Variants in G3BP2 observed in about 807,000 individuals in gnomAD.
G3BP2 encodes the protein G3BP stress granule assembly factor 2.
A neutral mutation model predicts 56.7 loss-of-function variants in G3BP2; 11 were observed. The ratio of observed to expected loss-of-function variants is 0.19; its 90% CI spans 0.12 to 0.32. The LOEUF is 0.32. Among genes scored for constraint, G3BP2 ranks in the 10% least tolerant of loss-of-function variants. The pLI is 1.00. For synonymous variants in G3BP2, 165 were observed against 191.6 expected (o/e 0.86, Z 1.15); for missense variants, 340 against 610.9 (o/e 0.56, Z 4.67).
chr4:75,656,157 AT>A (rs1000526021), intron 5 of G3BP2, among the ~76,000 whole-genome samples: 68 of 145,904 alleles, frequency 4.7e-4, no homozygotes, highest in South Asian at 6.5e-4. Context: ...TGCCCAGCTA[AT>A]TTTTTTTTTT....
chr4:75,704,953 C>T (rs12508200), intron 3 of G3BP2, among the ~76,000 whole-genome samples: 48,107 of 152,088 alleles, frequency 0.32, 8,518 homozygotes, highest in African/African-American at 0.48. Flanking sequence ...ATCTCTAGGC[C>T]TGCCCTGAGA....
Position 75,696,917 on chromosome 4 carries a change from A to G in G3BP2, c.-25+23960T>C, listed in dbSNP as rs1221758159. The stretch of plus-strand genomic sequence containing the variant: ...GTAGTTAAAGATGGTCATTCCTCAT[A>G]AAGACAAGCTGAAGAAAATCTTCCC... On this transcript the variant is annotated intron_variant, in intron 3 of 3. Coordinates refer to the G3BP2 transcript ENST00000499709. 2.0e-5 allele frequency among the ~76,000 whole-genome samples: 3 copies of G among 152,216 alleles called. No homozygotes were observed. In the East Asian group the frequency reaches 5.8e-4, roughly 29 times the overall value.
Position 75,655,792 on chromosome 4 carries a change from C to A in G3BP2, c.521G>T (p.Gly174Val). The A allele has an allele frequency of 6.3e-7, 1 of 1,590,970 alleles. No individual in the cohort carries two copies. Among genetic ancestry groups the A allele is most frequent in the Non-Finnish European group, 8.6e-7 (1 of 1,158,960 alleles). The part of the protein sequence containing the change: ...PEPVQENANS[G>V]YYEAHPVTNG... ...CGTCACAGGGTGAGCTTCATAGTAACCACTGTTAGCATTTTCTTGCACAGG... is the reference window on the plus strand; with the variant it reads ...CGTCACAGGGTGAGCTTCATAGTAAACACTGTTAGCATTTTCTTGCACAGG... The change falls in exon 6 of 12, where the codon GGT (glycine) becomes GTT (valine). Residue 174 changes from glycine (G) to valine (V), a missense_variant. Gly to Val is a moderately radical substitution (Grantham distance 109). This residue lies in a region of G3BP2 where 224 missense variants were observed against 332.5 expected (regional missense o/e 0.67). Transcript: ENST00000359707.
chr4:75,673,480 G>A, upstream of G3BP2: 1 of 1,232,216 alleles, frequency 8.1e-7, no homozygotes, highest in Non-Finnish European at 1.0e-6. Context: ...GAACCCCCGA[G>A]CACAGCGTCA....
At chr4:75,702,193 T>TTTGG (rs10692270) in intron 3 of G3BP2, among the ~76,000 whole-genome samples, 1 of 141,176 alleles carries the variant, frequency 7.1e-6, no homozygotes. Flanking sequence ...TTTTTTTTTT[T>TTTGG]GAGACAGGGT....
rs1197140083 is a variant in G3BP2 at position 75,709,996 on chromosome 4, AT to A, written c.-25+10880del. ...AAAGGGTATAGACTAAGGTCAGCTAATTCCATTTAATGGGAAAAAAGAGCTT... is the reference window on the plus strand; with the variant it reads ...AAAGGGTATAGACTAAGGTCAGCTAATCCATTTAATGGGAAAAAAGAGCTT... On this transcript the variant is annotated intron_variant, in intron 3 of 3. Coordinates refer to the G3BP2 transcript ENST00000499709. Among the ~76,000 whole-genome samples, 3 of 152,176 alleles carry A rather than the reference AT, an allele frequency of 2.0e-5. No individual in the cohort carries two copies. In the East Asian group the frequency reaches 5.8e-4, roughly 29 times the overall value.
chr4:75,665,660 C>A (rs889608297), intron 1 of G3BP2, among the ~76,000 whole-genome samples: 1 of 56,402 alleles, frequency 1.8e-5, no homozygotes, highest in Non-Finnish European at 3.8e-5. Flanking sequence ...CAAACAAACA[C>A]ACACACACAC....
At position 75,647,159 on chromosome 4, in the gene G3BP2, TGAG is replaced by T. The variant is rs1215744908; in HGVS notation, c.929-5_929-3del. 3 of 1,576,566 alleles carry T rather than the reference TGAG, an allele frequency of 1.9e-6. No individual in the cohort carries two copies. The highest frequency in any genetic ancestry group is 2.6e-6 in the Non-Finnish European group (3 of 1,157,382). On this transcript the variant is annotated splice_region_variant and splice_polypyrimidine_tract_variant and intron_variant, in intron 9 of 11. Coordinates refer to ENST00000359707, the MANE Select transcript of G3BP2 (RefSeq NM_203505.3). ...CATTCTGTTCCATATCTCCTCTGCCTGAGAATAGAAATAGAGCAGATACTAAAG... is the reference window on the plus strand; with the variant it reads ...CATTCTGTTCCATATCTCCTCTGCCTAATAGAAATAGAGCAGATACTAAAG...
chr4:75,653,136 C>T lies in G3BP2; in HGVS notation c.825+847G>A, dbSNP rs982148584. Among the ~76,000 whole-genome samples, 7 of 151,468 alleles carry T rather than the reference C, an allele frequency of 4.6e-5. No individual in the cohort carries two copies. In the East Asian group the frequency reaches 1.4e-3, roughly 29 times the overall value. On this transcript the variant is annotated intron_variant, in intron 8 of 11. Coordinates refer to ENST00000359707, the MANE Select transcript of G3BP2 (RefSeq NM_203505.3). ...AAAAAAGTATCACGGGCGTATTCTA[C>T]TTTTATGTAGCTGATTATGTGTCCC...
intron 7 of G3BP2, among the ~76,000 whole-genome samples, chr4:75,654,708 C>T (rs947948114): frequency 6.6e-6 from 1 of 152,172 alleles, no homozygotes; most frequent in Non-Finnish European, 1.5e-5. Context: ...TATAGACCAA[C>T]TTGTTTAAGT....
At chr4:75,710,353 C>T (rs1190823743) in intron 3 of G3BP2, among the ~76,000 whole-genome samples, 1 of 152,212 alleles carries the variant, frequency 6.6e-6, no homozygotes, top group Non-Finnish European at 1.5e-5. Context: ...AGCTTTGTCA[C>T]AGGCCAGAAA....
At chr4:75,701,968 A>T (rs1382347251) in intron 3 of G3BP2, among the ~76,000 whole-genome samples, 1 of 152,064 alleles carries the variant, frequency 6.6e-6, no homozygotes, top group Non-Finnish European at 1.5e-5. Flanking sequence ...GTATAATTCA[A>T]TTGTTATCAG....
At position 75,703,509 on chromosome 4, in the gene G3BP2, A is replaced by G. The variant is rs3796486; in HGVS notation, c.-25+17368T>C. On this transcript the variant is annotated intron_variant, in intron 3 of 3. Transcript: ENST00000499709. ...AAGGGCCAGTCCTAAAATGTATACG[A>G]CTGTGAAATAGACAAACAGGGTTTT... 2.5e-4 allele frequency among the ~76,000 whole-genome samples: 38 copies of G among 152,308 alleles called. No homozygotes were observed. The East Asian group carries it at 6.0e-3, about 24-fold the overall frequency.
At chr4:75,679,300 G>A (rs1008317851) in intron 3 of G3BP2, among the ~76,000 whole-genome samples, 2 of 152,234 alleles carry the variant, frequency 1.3e-5, no homozygotes, top group Admixed American at 1.3e-4. Flanking sequence ...CTACTCCCAT[G>A]AGTAGGATGA....
intron 1 of G3BP2, among the ~76,000 whole-genome samples, chr4:75,664,466 C>A (rs1014381085): frequency 6.6e-6 from 1 of 151,822 alleles, no homozygotes; most frequent in Non-Finnish European, 1.5e-5. Flanking sequence ...GTCCCAGCTA[C>A]TTGGGAAGCT....
chr4:75,647,892 G>C (rs1429912563), intron 9 of G3BP2, among the ~76,000 whole-genome samples: 3 of 152,126 alleles, frequency 2.0e-5, no homozygotes, highest in Non-Finnish European at 4.4e-5. Flanking sequence ...CATTCTTACA[G>C]AGTTCAAATA....
In G3BP2 at chr4:75,644,849, C is replaced by A. The variant is rs1731094405; in HGVS notation, c.*581G>T. Reference sequence around the variant, plus strand: ...CTGGTCACAGCAAGCAGATAAAATGCCCTCATCATTTCACAAACTATTTTC... The same window carrying A: ...CTGGTCACAGCAAGCAGATAAAATGACCTCATCATTTCACAAACTATTTTC... On this transcript the variant is annotated 3_prime_UTR_variant, in exon 12 of 12. Transcript: ENST00000359707. 1 of 152,918 alleles carries A rather than the reference C, an allele frequency of 6.5e-6. No homozygotes were observed. The highest frequency in any genetic ancestry group is 2.4e-5 in the African/African-American group (1 of 41,454). The allele number at this position is 152,918 out of a possible 1,614,324, so 9.5% of individuals were successfully genotyped here.
In G3BP2 at chr4:75,655,260, T is replaced by C; in HGVS notation, c.546-14A>G. ...TCTATGCCATTACTACAATAAAATA[T>C]TTAGTTCACTTTTTAGTAGGAGTTC... On this transcript the variant is annotated splice_polypyrimidine_tract_variant and intron_variant, in intron 6 of 11. Transcript: ENST00000359707. The C allele has an allele frequency of 6.3e-7, 1 of 1,581,538 alleles. No homozygotes were observed.
chr4:75,705,984 T>C (rs1360083442), intron 3 of G3BP2, among the ~76,000 whole-genome samples: 2 of 152,138 alleles, frequency 1.3e-5, no homozygotes, highest in Non-Finnish European at 2.9e-5. Flanking sequence ...TACATATATA[T>C]GTATACACAC....
Sources: allele counts gnomAD v4.1 joint callset (sites outside exome capture counted in the v4.1 genomes callset), GRCh38; gene constraint gnomAD v4.1.1; regional missense constraint gnomAD v4.1.1; transcripts MANE v1.5; gene names NCBI Gene and HGNC (gene_info 2026-07-23, HGNC 2026-07-21).